The following GPHN variants were observed in gnomAD, a reference collection of about 807,000 sequenced individuals.
GPHN encodes the protein gephyrin.
A neutral mutation model predicts 95.5 loss-of-function variants in GPHN; 17 were observed. That is an observed-to-expected ratio of 0.18 (90% CI 0.12 to 0.27). The LOEUF (loss-of-function observed/expected upper bound fraction) is 0.27. Among genes scored for constraint, GPHN ranks in the 10% least tolerant of loss-of-function variants. The pLI, the probability that GPHN is intolerant of heterozygous loss-of-function variation, is 1.00. For synonymous variants in GPHN, 320 were observed against 322.5 expected (o/e 0.99, Z 0.08); for missense variants, 660 against 978.1 (o/e 0.67, Z 4.34).
the GPHN span, among the ~76,000 whole-genome samples, chr14:67,661,124 T>C: frequency 2.8e-4 from 42 of 152,154 alleles, no homozygotes; most frequent in Admixed American, 1.9e-3. Flanking sequence ...AAGAGAATTT[T>C]TTCTCCATCT....
chr14:67,182,779 G>A (rs1224257944), downstream of GPHN, among the ~76,000 whole-genome samples: 1 of 150,918 alleles, frequency 6.6e-6, no homozygotes, highest in Non-Finnish European at 1.5e-5. Flanking sequence ...CCATAATACA[G>A]ATTTTAAGGG....
intron 1 of GPHN, among the ~76,000 whole-genome samples, chr14:66,639,456 T>C (rs931221228): frequency 2.0e-5 from 3 of 152,146 alleles, no homozygotes; most frequent in African/African-American, 7.2e-5. Context: ...GAAGCGTTAG[T>C]TGCATTTAGA....
chr14:67,329,664 A>G, the GPHN span, among the ~76,000 whole-genome samples: 1 of 151,980 alleles, frequency 6.6e-6, no homozygotes, highest in Admixed American at 6.6e-5. Context: ...GCATCACTTG[A>G]GGCCAGGAGT....
chr14:67,348,577 A>C, the GPHN span, among the ~76,000 whole-genome samples: 2 of 151,696 alleles, frequency 1.3e-5, no homozygotes, highest in South Asian at 2.1e-4. Context: ...GCTGGAGTGC[A>C]GTGGTGCAAT....
the GPHN span, chr14:67,383,227 A>G: frequency 1.4e-6 from 2 of 1,422,932 alleles, no homozygotes; most frequent in East Asian, 5.0e-5. Flanking sequence ...AGTGTTAAAG[A>G]GAGAAAACAT....
intron 1 of GPHN, among the ~76,000 whole-genome samples, chr14:66,617,430 T>A (rs1438020003): frequency 9.9e-5 from 15 of 152,190 alleles, no homozygotes; most frequent in Non-Finnish European, 1.8e-4. Flanking sequence ...GAATGCTCAC[T>A]CACTGCCTCC....
chr14:66,845,884 C>T (rs1160867512), intron 4 of GPHN, among the ~76,000 whole-genome samples: 3 of 149,252 alleles, frequency 2.0e-5, no homozygotes, highest in African/African-American at 7.5e-5. Context: ...CACACGTGAA[C>T]GTGTGTCTGT....
At chr14:66,938,230 T>C (rs2067228705) in intron 8 of GPHN, among the ~76,000 whole-genome samples, 1 of 152,186 alleles carries the variant, frequency 6.6e-6, no homozygotes, top group Non-Finnish European at 1.5e-5. Flanking sequence ...AGTTAGGAAA[T>C]TACTAAGAGT....
chr14:67,058,722 C>T lies in GPHN; in HGVS notation c.1080C>T (p.Asp360=). The T allele has an allele frequency of 1.9e-6, 3 of 1,613,262 alleles. No homozygotes were observed. The South Asian group carries it at 3.3e-5, about 18-fold the overall frequency. Residue 360 remains aspartate, a synonymous_variant, in exon 11 of 23, where the codon GAC becomes GAT. Transcript: ENST00000478722. ...CTCCTTTTCCTCTGACATCTATGGACAAAGCCTTTATCACAGTCCTGGAGA... is the reference window on the plus strand; with the variant it reads ...CTCCTTTTCCTCTGACATCTATGGATAAAGCCTTTATCACAGTCCTGGAGA... ...RMSPFPLTSM[D]KAFITVLEMT... is the part of the protein sequence containing the mutation.
the GPHN span, chr14:67,586,974 A>T: frequency 6.5e-7 from 1 of 1,537,152 alleles, no homozygotes; most frequent in Non-Finnish European, 8.8e-7. Context: ...AGATTAAATA[A>T]ACTGAGGCCC....
At chr14:66,872,014 C>T (rs1337011736) in intron 4 of GPHN, among the ~76,000 whole-genome samples, 1 of 152,090 alleles carries the variant, frequency 6.6e-6, no homozygotes, top group Non-Finnish European at 1.5e-5. Flanking sequence ...GTTAGTTTTT[C>T]TTTAAAATGT....
chr14:66,687,609 C>T (rs2067474500), intron 2 of GPHN, among the ~76,000 whole-genome samples: 1 of 151,320 alleles, frequency 6.6e-6, no homozygotes, highest in Admixed American at 6.6e-5. Context: ...CCTGCCTCAG[C>T]CTCTTGAGTA....
chr14:67,264,980 G>A, the GPHN span, among the ~76,000 whole-genome samples: 2 of 151,992 alleles, frequency 1.3e-5, no homozygotes, highest in Non-Finnish European at 2.9e-5. Flanking sequence ...GTGGGTTTAA[G>A]TTATAATACA....
chr14:67,008,138 G>A (rs971348214), intron 9 of GPHN, among the ~76,000 whole-genome samples: 11 of 152,122 alleles, frequency 7.2e-5, no homozygotes, highest in African/African-American at 2.7e-4. Flanking sequence ...CCACCTGCAA[G>A]GAGGAAATAT....
intron 5 of GPHN, among the ~76,000 whole-genome samples, chr14:66,883,651 T>A (rs1319369673): frequency 6.6e-6 from 1 of 152,016 alleles, no homozygotes; most frequent in Non-Finnish European, 1.5e-5. Flanking sequence ...TTTGGGGAAT[T>A]TTAATTAGTT....
At chr14:67,514,817 C>A in the GPHN span, among the ~76,000 whole-genome samples, 1 of 152,206 alleles carries the variant, frequency 6.6e-6, no homozygotes, top group Non-Finnish European at 1.5e-5. Flanking sequence ...CCTTCCCCAA[C>A]ACGCCCCCCT....
chr14:67,027,568 G>A (rs2073991940), intron 10 of GPHN, among the ~76,000 whole-genome samples: 1 of 152,076 alleles, frequency 6.6e-6, no homozygotes, highest in South Asian at 2.1e-4. Context: ...CTGACCTCGT[G>A]ATCAGCTGCC....
chr14:67,203,013 C>A, the GPHN span: 1 of 1,425,420 alleles, frequency 7.0e-7, no homozygotes, highest in Non-Finnish European at 9.6e-7. Context: ...TTCCTACCCT[C>A]TCTTACACTT....
chr14:67,308,954 C>G, the GPHN span, among the ~76,000 whole-genome samples: 1 of 151,674 alleles, frequency 6.6e-6, no homozygotes, highest in Non-Finnish European at 1.5e-5. Context: ...ATCCCTGTAC[C>G]CTATCCCCAT....
Sources: gnomAD v4.1 joint callset for allele counts (sites outside exome capture counted in the v4.1 genomes callset) on GRCh38, gnomAD v4.1.1 for gene constraint, MANE v1.5 for transcripts, NCBI Gene and HGNC (gene_info 2026-07-23, HGNC 2026-07-21) for gene names.